The following ABTB3 variants were observed in gnomAD, a reference collection of about 807,000 sequenced individuals.
ABTB3 encodes ankyrin repeat- and BTB/POZ domain-containing protein 3.
the ABTB3 span, among the ~76,000 whole-genome samples, chr12:107,553,912 C>A: frequency 6.6e-6 from 1 of 152,140 alleles, no homozygotes; most frequent in Non-Finnish European, 1.5e-5. Context: ...TGCAGTCCAG[C>A]CTGAGTGACA....
chr12:107,636,615 T>A, the ABTB3 span, among the ~76,000 whole-genome samples: 4 of 152,356 alleles, frequency 2.6e-5, no homozygotes, highest in African/African-American at 7.2e-5. Flanking sequence ...TTTGCTGAAA[T>A]GGAAAATTTT....
the ABTB3 span, among the ~76,000 whole-genome samples, chr12:107,383,928 A>G: frequency 2.0e-5 from 3 of 152,148 alleles, no homozygotes; most frequent in Non-Finnish European, 4.4e-5. Context: ...GCTGTGTAAG[A>G]TAGAACAGCA....
the ABTB3 span, among the ~76,000 whole-genome samples, chr12:107,519,331 C>CTTT: frequency 0.15 from 20,505 of 139,892 alleles, 1,851 homozygotes; most frequent in East Asian, 0.27. Flanking sequence ...TTTTCTTTTT[C>CTTT]TTTTTTTTTT....
At chr12:107,490,639 A>G in the ABTB3 span, among the ~76,000 whole-genome samples, 4 of 152,200 alleles carry the variant, frequency 2.6e-5, no homozygotes, top group Non-Finnish European at 5.9e-5. Flanking sequence ...CTCCTGGTGC[A>G]TTTAAATGTA....
the ABTB3 span, among the ~76,000 whole-genome samples, chr12:107,463,584 T>A: frequency 6.6e-6 from 1 of 152,168 alleles, no homozygotes; most frequent in Non-Finnish European, 1.5e-5. Flanking sequence ...GCAACAGAGC[T>A]GGGCTTTGAA....
the ABTB3 span, among the ~76,000 whole-genome samples, chr12:107,608,704 T>C: frequency 2.0e-5 from 3 of 151,724 alleles, no homozygotes; most frequent in Non-Finnish European, 4.4e-5. Context: ...ACCCTGTCTT[T>C]ACAAAAATTT....
chr12:107,591,943 C>G, the ABTB3 span, among the ~76,000 whole-genome samples: 829 of 152,276 alleles, frequency 5.4e-3, 4 homozygotes, highest in Admixed American at 9.5e-3. Context: ...CTGTCTTACT[C>G]CAAAGCCTAC....
the ABTB3 span, chr12:107,658,239 A>G: frequency 6.4e-6 from 1 of 155,070 alleles, no homozygotes; most frequent in East Asian, 1.9e-4. Flanking sequence ...AAACAAAAAC[A>G]GGGCAGTCTT....
At chr12:107,325,903 C>T in the ABTB3 span, among the ~76,000 whole-genome samples, 1 of 152,164 alleles carries the variant, frequency 6.6e-6, no homozygotes, top group East Asian at 1.9e-4. Context: ...GTTACATCAG[C>T]TATGATTATT....
chr12:107,405,152 G>A, the ABTB3 span, among the ~76,000 whole-genome samples: 1 of 152,196 alleles, frequency 6.6e-6, no homozygotes. Context: ...TCTGGACCAT[G>A]GCATACAGTA....
At chr12:107,651,923 C>T in the ABTB3 span, 2 of 665,410 alleles carry the variant, frequency 3.0e-6, no homozygotes, top group African/African-American at 1.9e-5. Flanking sequence ...TGGCCTCTGC[C>T]AAGGTCTTGC....
At chr12:107,591,377 C>G in the ABTB3 span, among the ~76,000 whole-genome samples, 1 of 152,144 alleles carries the variant, frequency 6.6e-6, no homozygotes, top group African/African-American at 2.4e-5. Flanking sequence ...GCTGGGGAAG[C>G]CTCAGGAGAC....
chr12:107,551,444 A>T, the ABTB3 span, among the ~76,000 whole-genome samples: 6 of 152,258 alleles, frequency 3.9e-5, no homozygotes, highest in Admixed American at 3.3e-4. Context: ...TCCTCTGGCC[A>T]TGGTAAAAAC....
At chr12:107,380,885 A>G in the ABTB3 span, among the ~76,000 whole-genome samples, 1 of 152,306 alleles carries the variant, frequency 6.6e-6, no homozygotes, top group African/African-American at 2.4e-5. Flanking sequence ...AGTATATTAT[A>G]TACAATGTTA....
the ABTB3 span, among the ~76,000 whole-genome samples, chr12:107,408,195 T>C: frequency 1.3e-5 from 2 of 152,176 alleles, no homozygotes; most frequent in Non-Finnish European, 2.9e-5. Context: ...AGAAAGGTAA[T>C]TTAACTGCAA....
the ABTB3 span, among the ~76,000 whole-genome samples, chr12:107,392,165 A>T: frequency 6.6e-6 from 1 of 152,106 alleles, no homozygotes; most frequent in Non-Finnish European, 1.5e-5. Context: ...TGACAAGGAG[A>T]TGCCCTTTCT....
At chr12:107,644,213 C>T in the ABTB3 span, among the ~76,000 whole-genome samples, 1 of 152,204 alleles carries the variant, frequency 6.6e-6, no homozygotes, top group Non-Finnish European at 1.5e-5. Context: ...CTAGAATACC[C>T]TTCCTAAATG....
At chr12:107,335,332 A>G in the ABTB3 span, among the ~76,000 whole-genome samples, 10 of 138,842 alleles carry the variant, frequency 7.2e-5, no homozygotes, top group African/African-American at 2.7e-4. Flanking sequence ...AAAAAGCAGC[A>G]GCATCGATGT....
At chr12:107,598,661 G>A in the ABTB3 span, among the ~76,000 whole-genome samples, 2 of 152,328 alleles carry the variant, frequency 1.3e-5, no homozygotes, top group East Asian at 3.9e-4. Context: ...TAGAGTAAGG[G>A]AGAAAAGCTA....
Sources: gnomAD v4.1 joint callset for allele counts (sites outside exome capture counted in the v4.1 genomes callset) on GRCh38, gnomAD v4.1.1 for gene constraint, MANE v1.5 for transcripts, NCBI Gene and HGNC (gene_info 2026-07-23, HGNC 2026-07-21) for gene names.